The following NFYC variants were observed in gnomAD, a reference collection of about 807,000 sequenced individuals.
NFYC encodes the protein nuclear transcription factor Y subunit gamma, also known as CAAT box DNA-binding protein subunit C.
In NFYC, 25 loss-of-function variants were observed where a neutral mutation model predicts 53.1. The observed-to-expected ratio is 0.47, with a 90% CI of 0.34 to 0.66. NFYC has a LOEUF of 0.66. Ranked by LOEUF, NFYC falls within the 30% of genes least tolerant of loss-of-function variation. The probability of loss-of-function intolerance (pLI) is 0.01; values close to 1 mark genes in which losing one functional copy is unlikely to be tolerated. For synonymous variants in NFYC, 145 were observed against 152.6 expected (o/e 0.95, Z 0.37); for missense variants, 260 against 422.7 (o/e 0.62, Z 3.38).
At chr1:40,767,768 C>T (rs572072788) in intron 8 of NFYC, among the ~76,000 whole-genome samples, 36 of 152,150 alleles carry the variant, frequency 2.4e-4, no homozygotes, top group African/African-American at 6.3e-4. Context: ...CACATGAGGT[C>T]GGGAGTTTGA....
At position 40,692,898 on chromosome 1, in the gene NFYC, G is replaced by A. The variant is rs1642912459; in HGVS notation, c.-9+1031G>A. ...AACAGTTATACATTATTGAGTCTCA[G>A]GACCATACAAGTAGTTTTGAGATGT... On this transcript the variant is annotated intron_variant, in intron 1 of 9. Transcript: ENST00000447388. 2.6e-5 allele frequency among the ~76,000 whole-genome samples: 4 copies of A among 152,170 alleles called. No individual in the cohort carries two copies. In the South Asian group the frequency reaches 8.3e-4, roughly 31 times the overall value.
At chr1:40,738,539 T>G (rs1240248128) in intron 1 of NFYC, among the ~76,000 whole-genome samples, 2 of 152,182 alleles carry the variant, frequency 1.3e-5, no homozygotes, top group African/African-American at 4.8e-5. Context: ...ATATAAGAAG[T>G]TAAAAGTCCT....
chr1:40,710,048 T>G (rs1257270415), intron 1 of NFYC, among the ~76,000 whole-genome samples: 1 of 152,242 alleles, frequency 6.6e-6, no homozygotes, highest in East Asian at 1.9e-4. Flanking sequence ...GAAATTTGTG[T>G]GAAAATACGA....
At chr1:40,769,913 T>C (rs1647002639) in intron 9 of NFYC, among the ~76,000 whole-genome samples, 1 of 152,158 alleles carries the variant, frequency 6.6e-6, no homozygotes, top group Non-Finnish European at 1.5e-5. Flanking sequence ...TGCTTTCCCC[T>C]CACAGTACAG....
chr1:40,738,464 A>C (rs1645171315), intron 1 of NFYC, among the ~76,000 whole-genome samples: 1 of 152,232 alleles, frequency 6.6e-6, no homozygotes, highest in South Asian at 2.1e-4. Flanking sequence ...AAAGCTTTGG[A>C]AAGAATGGCA....
intron 2 of NFYC, among the ~76,000 whole-genome samples, chr1:40,745,946 C>T (rs1287260161): frequency 5.3e-5 from 8 of 152,070 alleles, no homozygotes; most frequent in African/African-American, 1.9e-4. Context: ...TGGCCTCAAG[C>T]GATTCTCCCA....
intron 1 of NFYC, among the ~76,000 whole-genome samples, chr1:40,702,384 C>T (rs1213893339): frequency 6.6e-6 from 1 of 150,676 alleles, no homozygotes; most frequent in Non-Finnish European, 1.5e-5. Flanking sequence ...TCTTTGTCAC[C>T]CAGGCTGGAG....
At chr1:40,734,012 T>C (rs1414748845) in intron 1 of NFYC, among the ~76,000 whole-genome samples, 3 of 151,998 alleles carry the variant, frequency 2.0e-5, no homozygotes, top group Non-Finnish European at 4.4e-5. Context: ...TCCCAAAGTG[T>C]TGGGATTACA....
intron 1 of NFYC, chr1:40,735,546 TG>T (rs908765322): frequency 4.1e-4 from 399 of 964,574 alleles, no homozygotes; most frequent in Non-Finnish European, 4.8e-4. Flanking sequence ...TGTAATGTTT[TG>T]GGGGGATATC....
chr1:40,727,567 G>A (rs1382695613), intron 1 of NFYC, among the ~76,000 whole-genome samples: 2 of 137,432 alleles, frequency 1.5e-5, no homozygotes, highest in African/African-American at 2.7e-5. Flanking sequence ...GTCTTGCTCT[G>A]TCGCCCAGGC....
chr1:40,758,034 G>A, intron 5 of NFYC, 87 bp from the exon 6 acceptor site: 1 of 1,476,888 alleles, frequency 6.8e-7, no homozygotes, highest in East Asian at 2.3e-5. Context: ...ACTGCACATA[G>A]CCTGTTTGGG....
rs115313692 is a variant in NFYC at position 40,716,842 on chromosome 1, A to G, written c.-8-21994A>G. Among the ~76,000 whole-genome samples, 522 of 152,280 alleles carry G rather than the reference A, an allele frequency of 3.4e-3. 6 individuals are homozygous for G. Among genetic ancestry groups the G allele is most frequent in the African/African-American group, 0.012 (501 of 41,548 alleles). The stretch of plus-strand genomic sequence containing the variant: ...ATGGACACTGTTGGACACTGTTACT[A>G]TAGAATTTAGCAGCTGATTAGAATT... On this transcript the variant is annotated intron_variant, in intron 1 of 9. Coordinates refer to ENST00000447388, the MANE Select transcript of NFYC (RefSeq NM_014223.5).
At position 40,767,198 on chromosome 1, in the gene NFYC, G is replaced by A; in HGVS notation, c.828+495G>A. On this transcript the variant is annotated intron_variant, in intron 8 of 9. Coordinates refer to ENST00000447388, the MANE Select transcript of NFYC (RefSeq NM_014223.5). ...TATTGATGGCTATGAGTCACAGATG[G>A]TGAGGGGGCTGCCTCCCTGGGCTTG... The A allele has an allele frequency of 5.6e-6, 3 of 532,618 alleles. No individual in the cohort carries two copies. The South Asian group carries it at 6.1e-5, about 11-fold the overall frequency. The allele number at this position is 532,618 out of a possible 1,614,324, so 33.0% of individuals were successfully genotyped here.
At chr1:40,696,733 A>T (rs1436941763) in intron 1 of NFYC, among the ~76,000 whole-genome samples, 1 of 152,248 alleles carries the variant, frequency 6.6e-6, no homozygotes, top group Non-Finnish European at 1.5e-5. Flanking sequence ...TCAGGCATAC[A>T]ACCAGGAAGA....
intron 1 of NFYC, among the ~76,000 whole-genome samples, chr1:40,705,207 T>C (rs1032109278): frequency 1.6e-4 from 25 of 152,248 alleles, no homozygotes; most frequent in African/African-American, 5.5e-4. Flanking sequence ...TAACACTGCC[T>C]TCCAAGTGCT....
At chr1:40,709,349 G>A (rs1203100140) in intron 1 of NFYC, 1 of 152,240 alleles carries the variant, frequency 6.6e-6, no homozygotes, top group African/African-American at 2.4e-5. Context: ...TAAAGTGGAA[G>A]GAGGCTGCAG....
intron 2 of NFYC, among the ~76,000 whole-genome samples, chr1:40,746,498 T>G (rs7542349): frequency 0.88 from 133,096 of 151,792 alleles, 58,466 homozygotes; most frequent in East Asian, 0.98. Context: ...TGAAATAATA[T>G]ATGCTCCTTC....
At chr1:40,740,113 A>G (rs1481781581) in intron 2 of NFYC, among the ~76,000 whole-genome samples, 5 of 152,210 alleles carry the variant, frequency 3.3e-5, no homozygotes, top group African/African-American at 4.8e-5. Context: ...ATTTTAGCAC[A>G]TACTAAAGGA....
rs370129441 is a variant in NFYC at position 40,718,860 on chromosome 1, T to TTTTTG, written c.-8-19951_-8-19947dup. On this transcript the variant is annotated intron_variant, in intron 1 of 9. Coordinates refer to ENST00000447388, the MANE Select transcript of NFYC (RefSeq NM_014223.5). ...ATTTTTAGATGAATCATGGTGGTTT[T>TTTTTG]TTTTGTTTTGTTTTGTTTTGTTTTG... Among the ~76,000 whole-genome samples the TTTTTG allele has an allele frequency of 2.2e-4, 34 of 152,244 alleles. 2 individuals carry two copies. Among genetic ancestry groups the TTTTTG allele is most frequent in the Middle Eastern group, 6.8e-3 (2 of 294 alleles).
Sources: gnomAD v4.1 joint callset for allele counts (sites outside exome capture counted in the v4.1 genomes callset) on GRCh38, gnomAD v4.1.1 for gene constraint, MANE v1.5 for transcripts, NCBI Gene and HGNC (gene_info 2026-07-23, HGNC 2026-07-21) for gene names.